The following ZPLD1 variants were observed in gnomAD, a reference collection of about 807,000 sequenced individuals.
ZPLD1 encodes the protein zona pellucida-like domain-containing protein 1.
A neutral mutation model predicts 47.2 loss-of-function variants in ZPLD1; 34 were observed. The observed-to-expected ratio is 0.72, with a 90% CI of 0.55 to 0.96. The LOEUF (loss-of-function observed/expected upper bound fraction) is 0.96, where lower values mean the gene tolerates loss of function less well. ZPLD1 is among the 40% of genes least tolerant of loss of function. The pLI, the probability that ZPLD1 is intolerant of heterozygous loss-of-function variation, is 0.00. For missense variants in ZPLD1, 512 were observed against 505.8 expected, an observed-to-expected ratio of 1.01 and a Z score of -0.12; for synonymous variants, 176 against 186.2, an observed-to-expected ratio of 0.95 and a Z score of 0.45.
intron 7 of ZPLD1, among the ~76,000 whole-genome samples, chr3:102,409,089 G>A (rs1706722885): frequency 6.6e-6 from 1 of 151,712 alleles, no homozygotes; most frequent in Admixed American, 6.6e-5. Flanking sequence ...GAGTTTACTT[G>A]GCTTATCATT....
upstream of ZPLD1, among the ~76,000 whole-genome samples, chr3:102,430,686 A>G (rs914300449): frequency 1.3e-5 from 2 of 152,228 alleles, no homozygotes; most frequent in African/African-American, 4.8e-5. Flanking sequence ...ATGAACATAC[A>G]TTTGAATATC....
intron 10 of ZPLD1, among the ~76,000 whole-genome samples, chr3:102,475,961 T>A (rs959093222): frequency 6.6e-6 from 1 of 152,144 alleles, no homozygotes; most frequent in Non-Finnish European, 1.5e-5. Flanking sequence ...TATTGGTCAG[T>A]TTATATTATT....
chr3:102,432,031 G>C (rs1391307571), upstream of ZPLD1, among the ~76,000 whole-genome samples: 2 of 152,202 alleles, frequency 1.3e-5, no homozygotes, highest in Admixed American at 6.5e-5. Flanking sequence ...CTACCTGTGT[G>C]GCTTTAGTGC....
At chr3:102,391,653 T>C (rs1454445167) in intron 6 of ZPLD1, among the ~76,000 whole-genome samples, 1 of 152,080 alleles carries the variant, frequency 6.6e-6, no homozygotes, top group Non-Finnish European at 1.5e-5. Context: ...ATCTGGGAAG[T>C]TGATTTCCAG....
intron 8 of ZPLD1, among the ~76,000 whole-genome samples, chr3:102,422,639 A>T (rs192627834): frequency 6.6e-6 from 1 of 152,104 alleles, no homozygotes; most frequent in Admixed American, 6.6e-5. Context: ...GAATGGAGAG[A>T]TGTCTTTGTG....
chr3:102,435,072 A>G lies in ZPLD1; in HGVS notation c.-205A>G. On this transcript the variant is annotated 5_prime_UTR_variant, in exon 1 of 12. Coordinates refer to ENST00000466937, the MANE Select transcript of ZPLD1 (RefSeq NM_001329788.2). The stretch of plus-strand genomic sequence containing the variant: ...ACAATTCAATTTCAGAAAAGTATTT[A>G]GGGACTGTGCTAAAATAGCATCTCC... 1 of 1,610,460 alleles carries G rather than the reference A, an allele frequency of 6.2e-7. No individual in the cohort carries two copies. Among genetic ancestry groups the G allele is most frequent in the South Asian group, 1.1e-5 (1 of 90,992 alleles).
upstream of ZPLD1, among the ~76,000 whole-genome samples, chr3:102,433,397 G>A (rs1369202392): frequency 6.6e-6 from 1 of 152,140 alleles, no homozygotes; most frequent in African/African-American, 2.4e-5. Flanking sequence ...TCATTCCCCA[G>A]TATAGGGAGA....
At chr3:102,456,614 A>T (rs1707421799) in intron 5 of ZPLD1, among the ~76,000 whole-genome samples, 1 of 149,614 alleles carries the variant, frequency 6.7e-6, no homozygotes, top group African/African-American at 2.5e-5. Context: ...ATGATCCATA[A>T]CAGACCCAAA....
At chr3:102,458,462 T>C (rs1707453368) in intron 6 of ZPLD1, among the ~76,000 whole-genome samples, 1 of 152,228 alleles carries the variant, frequency 6.6e-6, no homozygotes, top group Non-Finnish European at 1.5e-5. Context: ...TTGATGTTGA[T>C]TAAAAATTTT....
At chr3:102,449,600 A>G (rs1707306719) in intron 3 of ZPLD1, among the ~76,000 whole-genome samples, 1 of 152,158 alleles carries the variant, frequency 6.6e-6, no homozygotes, top group Non-Finnish European at 1.5e-5. Context: ...TCTACTAGTC[A>G]CTGGGAGCCA....
chr3:102,458,079 TAA>T (rs1050421945), intron 6 of ZPLD1, among the ~76,000 whole-genome samples: 5 of 152,212 alleles, frequency 3.3e-5, no homozygotes, highest in Admixed American at 1.3e-4. Flanking sequence ...TTTTATATCG[TAA>T]GTGTGATTTT....
At chr3:102,455,810 TATC>T (rs1707403937) in intron 4 of ZPLD1, among the ~76,000 whole-genome samples, 1 of 152,138 alleles carries the variant, frequency 6.6e-6, no homozygotes, top group Non-Finnish European at 1.5e-5. Context: ...GTGACAGCAT[TATC>T]ATCAAGAGTT....
intron 3 of ZPLD1, among the ~76,000 whole-genome samples, chr3:102,452,187 G>A (rs1035029426): frequency 4.7e-5 from 7 of 149,312 alleles, no homozygotes; most frequent in African/African-American, 7.4e-5. Flanking sequence ...ACTAGACCTC[G>A]TCACAGATAA....
At chr3:102,427,347 A>G (rs1706960841) in intron 8 of ZPLD1, among the ~76,000 whole-genome samples, 2 of 152,234 alleles carry the variant, frequency 1.3e-5, no homozygotes, top group Non-Finnish European at 2.9e-5. Flanking sequence ...CTTTAGCAAC[A>G]TGGAGATTAG....
chr3:102,387,954 G>C (rs1005311203), intron 6 of ZPLD1, among the ~76,000 whole-genome samples: 2 of 144,594 alleles, frequency 1.4e-5, no homozygotes, highest in Non-Finnish European at 3.0e-5. Flanking sequence ...TCCGCCTCCT[G>C]GGCTCACGCC....
chr3:102,461,724 A>G (rs1234134502), intron 6 of ZPLD1, among the ~76,000 whole-genome samples: 1 of 152,010 alleles, frequency 6.6e-6, no homozygotes, highest in African/African-American at 2.4e-5. Flanking sequence ...TATTCTCCCT[A>G]GAAGAAAATT....
intron 1 of ZPLD1, 143 bp from the exon 2 acceptor site, chr3:102,436,717 T>C (rs1707096475): frequency 5.4e-6 from 1 of 184,986 alleles, no homozygotes; most frequent in Non-Finnish European, 1.0e-5. Flanking sequence ...AGGAAAGTTA[T>C]CTGGCACAAA....
At chr3:102,389,173 A>T (rs2107282824) in intron 6 of ZPLD1, among the ~76,000 whole-genome samples, 1 of 152,344 alleles carries the variant, frequency 6.6e-6, no homozygotes, top group African/African-American at 2.4e-5. Context: ...CTTAAAAAAT[A>T]AAAATGGACT....
At chr3:102,423,042 G>T (rs976270530) in intron 8 of ZPLD1, among the ~76,000 whole-genome samples, 4 of 152,048 alleles carry the variant, frequency 2.6e-5, no homozygotes, top group African/African-American at 9.7e-5. Flanking sequence ...TGGGAAGAAG[G>T]ATCCCTCCTT....
Sources: allele counts gnomAD v4.1 joint callset (sites outside exome capture counted in the v4.1 genomes callset), GRCh38; gene constraint gnomAD v4.1.1; transcripts MANE v1.5; gene names NCBI Gene and HGNC (gene_info 2026-07-23, HGNC 2026-07-21).